DEAF1: variants seen among roughly 807,000 people sequenced by gnomAD.
DEAF1 encodes DEAF1 transcription factor.
DEAF1 carries 53 observed loss-of-function variants against 58.9 expected under a neutral mutation model. That is an observed-to-expected ratio of 0.90 (90% CI 0.72 to 1.13). The LOEUF (loss-of-function observed/expected upper bound fraction) is 1.13. Ranked by LOEUF, DEAF1 falls within the 50% of genes most tolerant of loss-of-function variation. The pLI, the probability that DEAF1 is intolerant of heterozygous loss-of-function variation, is 0.00. For missense variants in DEAF1, 685 were observed against 791.4 expected (o/e 0.87, Z 1.61); for synonymous variants, 385 against 340.4 (o/e 1.13, Z -1.44).
At chr11:685,523 C>T (rs985884013) in intron 5 of DEAF1, among the ~76,000 whole-genome samples, 2 of 151,680 alleles carry the variant, frequency 1.3e-5, no homozygotes, top group East Asian at 2.0e-4. Flanking sequence ...GGTGAAACCT[C>T]GTGTCTGCTA....
intron 10 of DEAF1, among the ~76,000 whole-genome samples, chr11:657,793 C>T (rs1021828511): frequency 3.3e-5 from 5 of 152,144 alleles, no homozygotes; most frequent in African/African-American, 1.2e-4. Flanking sequence ...GGACAAACTG[C>T]CTGGCCAGGC....
At position 654,021 on chromosome 11, in the gene DEAF1, T is replaced by C. The variant is rs1189473860; in HGVS notation, c.1534A>G (p.Met512Val). 22 of 1,613,644 alleles carry C rather than the reference T, an allele frequency of 1.4e-5. No individual in the cohort carries two copies. Among genetic ancestry groups the C allele is most frequent in the Non-Finnish European group, 1.8e-5 (21 of 1,179,962 alleles). The change falls in exon 11 of 12, where the codon ATG (methionine) becomes GTG (valine). Residue 512 changes from methionine (M) to valine (V), a missense_variant. Met to Val is a conservative substitution (Grantham distance 21, BLOSUM62 1). Around this residue, in one of 3 missense-constraint regions of DEAF1, gnomAD observed 343 missense variants for 379.8 expected, o/e 0.90. Transcript: ENST00000382409. ...QSCVNCGREA[M>V]SECTGCHKVN... is the part of the protein sequence containing the mutation. Reference sequence around the variant, plus strand: ...TTGTGGCAGCCGGTGCACTCGCTCATAGCCTCCCGGCCGCAGTTAACGCAG... The same window carrying C: ...TTGTGGCAGCCGGTGCACTCGCTCACAGCCTCCCGGCCGCAGTTAACGCAG...
chr11:676,586 C>G (rs1388127482), intron 9 of DEAF1, among the ~76,000 whole-genome samples: 1 of 151,978 alleles, frequency 6.6e-6, no homozygotes, highest in East Asian at 2.0e-4. Context: ...CATCTTGGCT[C>G]ACTGCCCTCC....
intron 7 of DEAF1, 49 bp downstream of exon 7, chr11:680,914 T>G (rs201460450): frequency 2.8e-5 from 45 of 1,613,502 alleles, no homozygotes; most frequent in Non-Finnish European, 3.5e-5. Flanking sequence ...GAGAAGGCAA[T>G]GCACTCAGGT....
rs993039842 is a variant in DEAF1 at position 695,167 on chromosome 11, C to T, written c.-120G>A. 5.2e-6 allele frequency: 5 copies of T among 953,244 alleles called. No individual in the cohort carries two copies. The African/African-American group carries it at 7.1e-5, about 14-fold the overall frequency. 59.0% of individuals were successfully genotyped at this position (953,244 alleles called of 1,614,324 possible). On this transcript the variant is annotated 5_prime_UTR_variant, in exon 1 of 12. Coordinates refer to ENST00000382409, the MANE Select transcript of DEAF1 (RefSeq NM_021008.4). ...CTGGGCCGAGGCCGCCCGAAGCCGC[C>T]GCCCGAATAGGGACCGAAAAGGCAG...
chr11:690,231 A>AAGGGGAGGGG (rs1860765748), intron 2 of DEAF1, among the ~76,000 whole-genome samples: 4 of 42,670 alleles, frequency 9.4e-5, no homozygotes, highest in African/African-American at 3.7e-4. Context: ...GTCAAAAAGG[A>AAGGGGAGGGG]AGGGGAGGGG....
chr11:670,823 G>T (rs1336332743), intron 10 of DEAF1, among the ~76,000 whole-genome samples: 3 of 138,236 alleles, frequency 2.2e-5, no homozygotes, highest in African/African-American at 8.6e-5. Context: ...TGTTGCCCAG[G>T]CTGGAGTACA....
At chr11:702,949 CA>C (rs1564963817) in intron 1 of DEAF1, 6 of 1,605,914 alleles carry the variant, frequency 3.7e-6, no homozygotes, top group Non-Finnish European at 1.7e-6. Context: ...CTCCAGGCAC[CA>C]GGGGCAACCT....
At chr11:660,587 C>T (rs1859277307) in intron 10 of DEAF1, among the ~76,000 whole-genome samples, 1 of 152,262 alleles carries the variant, frequency 6.6e-6, no homozygotes, top group Non-Finnish European at 1.5e-5. Flanking sequence ...TGAAGAGTTC[C>T]CTGGGGACAC....
rs1337694254 is a variant in DEAF1, at chr11:675,848, G to A, written c.1256-1065C>T. Among the ~76,000 whole-genome samples, 6 of 151,700 alleles carry A rather than the reference G, an allele frequency of 4.0e-5. No individual in the cohort carries two copies. The East Asian group carries it at 9.6e-4, about 24-fold the overall frequency. ...AAAGAAAAGAAAAGAAAACTCTCAC[G>A]CAATGTTGGGAAGTCGGGTAAAAAA... is the stretch of plus-strand genomic sequence containing the variant. On this transcript the variant is annotated intron_variant, in intron 9 of 11. Coordinates refer to ENST00000382409, the MANE Select transcript of DEAF1 (RefSeq NM_021008.4).
intron 10 of DEAF1, among the ~76,000 whole-genome samples, chr11:672,610 A>C (rs1285872229): frequency 1.3e-5 from 2 of 152,120 alleles, no homozygotes; most frequent in Non-Finnish European, 2.9e-5. Flanking sequence ...ACTTTGGGAG[A>C]CTGAGGTGGG....
chr11:650,723 G>A (rs925578348), intron 11 of DEAF1, among the ~76,000 whole-genome samples: 6 of 151,810 alleles, frequency 4.0e-5, no homozygotes, highest in East Asian at 2.0e-4. Flanking sequence ...GAGGCCAAGC[G>A]GGGGTGGAAC....
intron 10 of DEAF1, chr11:654,684 C>T (rs764731860): frequency 3.3e-5 from 15 of 451,778 alleles, no homozygotes; most frequent in Middle Eastern, 3.3e-4. Flanking sequence ...GCACAGGCAA[C>T]GTTGCGAAAC....
At chr11:647,712 G>A (rs1037820783) in intron 11 of DEAF1, among the ~76,000 whole-genome samples, 3 of 152,182 alleles carry the variant, frequency 2.0e-5, no homozygotes, top group Admixed American at 6.5e-5. Context: ...CCTCTCCTGG[G>A]CGATCCAACT....
chr11:656,132 C>T (rs1859042952), intron 10 of DEAF1, among the ~76,000 whole-genome samples: 1 of 149,542 alleles, frequency 6.7e-6, no homozygotes, highest in South Asian at 2.1e-4. Flanking sequence ...CCGCGCCTGG[C>T]CTGTGCCTCT....
rs111718694 is a variant in DEAF1 at position 672,847 on chromosome 11, C to CA, written c.1503+1688dup. Among the ~76,000 whole-genome samples, 547 of 148,018 alleles carry CA rather than the reference C, an allele frequency of 3.7e-3. 7 individuals are homozygous for CA. The highest frequency in any genetic ancestry group is 0.022 in the Admixed American group (334 of 14,862). ...TGAGCGACACAGCAAGACTCCGTCTCAAAAAAAAAAATTTTTTTTAAATAG... is the reference window on the plus strand; with the variant it reads ...TGAGCGACACAGCAAGACTCCGTCTCAAAAAAAAAAAATTTTTTTTAAATAG... On this transcript the variant is annotated intron_variant, in intron 10 of 11. Transcript: ENST00000382409.
chr11:678,349 A>T (rs774526012), intron 9 of DEAF1: 24 of 352,720 alleles, frequency 6.8e-5, no homozygotes, highest in Non-Finnish European at 1.2e-4. Flanking sequence ...CCAGCTCTGG[A>T]GAGACCAAGA....
intron 1 of DEAF1, chr11:703,994 C>G (rs1417966856): frequency 2.5e-6 from 3 of 1,223,814 alleles, no homozygotes; most frequent in African/African-American, 3.1e-5. Context: ...TAAAAAGTAT[C>G]TAAGCTGTTA....
chr11:649,971 G>C lies in DEAF1; in HGVS notation c.1593+3991C>G, dbSNP rs1291015321. Among the ~76,000 whole-genome samples the C allele has an allele frequency of 7.3e-5, 11 of 149,752 alleles. 1 individual carries two copies. Among genetic ancestry groups the C allele is most frequent in the Admixed American group, 7.3e-4 (11 of 15,046 alleles). ...AACCCGGGACGTTGAGGTTGCAGTGGGCTGAGATCGTGCCATTGCACTCCA... is the reference window on the plus strand; with the variant it reads ...AACCCGGGACGTTGAGGTTGCAGTGCGCTGAGATCGTGCCATTGCACTCCA... On this transcript the variant is annotated intron_variant, in intron 11 of 11. Transcript: ENST00000382409.
Sources: allele counts gnomAD v4.1 joint callset (sites outside exome capture counted in the v4.1 genomes callset), GRCh38; gene constraint gnomAD v4.1.1; regional missense constraint gnomAD v4.1.1; transcripts MANE v1.5; gene names NCBI Gene and HGNC (gene_info 2026-07-23, HGNC 2026-07-21).